JAKMIP2: variants seen among roughly 807,000 people sequenced by gnomAD.
JAKMIP2 encodes the protein janus kinase and microtubule-interacting protein 2.
Under a neutral mutation model 115.0 loss-of-function variants are expected in JAKMIP2, and 25 were observed. The observed-to-expected ratio is 0.22, with a 90% confidence interval of 0.16 to 0.30. The LOEUF (loss-of-function observed/expected upper bound fraction) is 0.30, where lower values mean the gene tolerates loss of function less well. Among genes scored for constraint, JAKMIP2 ranks in the 10% least tolerant of loss-of-function variants. The probability of loss-of-function intolerance (pLI) is 1.00; values close to 1 mark genes in which losing one functional copy is unlikely to be tolerated. For missense variants in JAKMIP2, 642 were observed against 957.6 expected (o/e 0.67, Z 4.35); for synonymous variants, 334 against 343.6 (o/e 0.97, Z 0.31).
chr5:147,690,278 A>G (rs1180440654), intron 1 of JAKMIP2, among the ~76,000 whole-genome samples: 1 of 151,960 alleles, frequency 6.6e-6, no homozygotes, highest in East Asian at 1.9e-4. Context: ...GGGTGCAGTG[A>G]GCTATTATGG....
At position 147,640,794 on chromosome 5, in the gene JAKMIP2, A is replaced by G. The variant is rs1331003433; in HGVS notation, c.1311T>C (p.Tyr437=). The G allele has an allele frequency of 2.5e-6, 4 of 1,613,350 alleles. No homozygotes were observed. The highest frequency in any genetic ancestry group is 1.3e-5 in the African/African-American group (1 of 74,878). ...TCTCTGAATCCATAGAGTCCTCATC[A>G]TAGCCAATAAACGGGTCCAAAACAG... The part of the protein sequence containing the change: ...KRPVLDPFIG[Y]DEDSMDSETS... Residue 437 remains tyrosine, a synonymous_variant, in exon 9 of 22, where the codon TAT becomes TAC. Transcript: ENST00000616793.
intron 1 of JAKMIP2, among the ~76,000 whole-genome samples, chr5:147,710,221 G>A (rs1359216775): frequency 6.6e-6 from 1 of 152,080 alleles, no homozygotes; most frequent in Non-Finnish European, 1.5e-5. Context: ...GGTGGATTTA[G>A]TTATTCTTCA....
At chr5:147,623,486 C>T in intron 17 of JAKMIP2, 135 bp downstream of exon 17, 4 of 535,162 alleles carry the variant, frequency 7.5e-6, no homozygotes, top group Admixed American at 3.5e-5. Flanking sequence ...TTTTTTCCAT[C>T]TTCTGTACAT....
At chr5:147,738,222 C>A (rs901651255) in intron 1 of JAKMIP2, among the ~76,000 whole-genome samples, 5 of 152,062 alleles carry the variant, frequency 3.3e-5, no homozygotes, top group Admixed American at 3.3e-4. Context: ...CTTTAAGCTG[C>A]CATTTTAGTA....
chr5:147,652,006 C>A (rs188521455), intron 3 of JAKMIP2, among the ~76,000 whole-genome samples: 1 of 152,234 alleles, frequency 6.6e-6, no homozygotes, highest in East Asian at 1.9e-4. Context: ...ATGTACTCAC[C>A]TTGTTAAACT....
rs191318102 is a variant in JAKMIP2, at chr5:147,690,793, C to T, written c.-148-18839G>A. On this transcript the variant is annotated intron_variant, in intron 1 of 21. Transcript: ENST00000616793. The stretch of plus-strand genomic sequence containing the variant: ...CCAGTGCTTCGTGGCTATTGCATGA[C>T]GCATACTGTGTGGCCCTCTGCTGGA... 2.0e-4 allele frequency among the ~76,000 whole-genome samples: 31 copies of T among 151,954 alleles called. No homozygotes were observed. The East Asian group carries it at 4.7e-3, about 23-fold the overall frequency.
chr5:147,701,659 C>T (rs75640633), intron 1 of JAKMIP2, among the ~76,000 whole-genome samples: 3,227 of 152,232 alleles, frequency 0.021, 143 homozygotes, highest in African/African-American at 0.072. Context: ...TTTTGTCCTT[C>T]ACACAGCACC....
chr5:147,741,044 G>A (rs549703037), intron 1 of JAKMIP2, among the ~76,000 whole-genome samples: 1 of 152,236 alleles, frequency 6.6e-6, no homozygotes, highest in African/African-American at 2.4e-5. Flanking sequence ...AAGCCGATCA[G>A]TACAGAGATC....
chr5:147,737,623 A>G (rs979151265), intron 1 of JAKMIP2, among the ~76,000 whole-genome samples: 2 of 152,184 alleles, frequency 1.3e-5, no homozygotes, highest in African/African-American at 4.8e-5. Context: ...AGAATTCTAG[A>G]TTGATTAAGT....
intron 1 of JAKMIP2, among the ~76,000 whole-genome samples, chr5:147,772,446 A>T (rs564759196): frequency 1.6e-4 from 24 of 152,104 alleles, no homozygotes; most frequent in African/African-American, 5.5e-4. Context: ...GGTGGGGGGC[A>T]GGCTAGGGAT....
chr5:147,704,222 A>G (rs1204018065), intron 1 of JAKMIP2, among the ~76,000 whole-genome samples: 3 of 152,210 alleles, frequency 2.0e-5, no homozygotes, highest in Non-Finnish European at 2.9e-5. Context: ...TTTTATTATC[A>G]TTATCAAATA....
chr5:147,778,312 T>G (rs1755639033), intron 1 of JAKMIP2, among the ~76,000 whole-genome samples: 1 of 152,114 alleles, frequency 6.6e-6, no homozygotes, highest in Admixed American at 6.6e-5. Flanking sequence ...TTGTTTTTGT[T>G]TTTTGTTTTT....
chr5:147,743,073 A>T (rs1213030638), intron 1 of JAKMIP2, among the ~76,000 whole-genome samples: 1 of 152,208 alleles, frequency 6.6e-6, no homozygotes, highest in African/African-American at 2.4e-5. Flanking sequence ...CTGAGTACTT[A>T]TTATGAGAAA....
At chr5:147,645,274 G>A (rs1379914289) in intron 5 of JAKMIP2, among the ~76,000 whole-genome samples, 1 of 152,104 alleles carries the variant, frequency 6.6e-6, no homozygotes, top group Non-Finnish European at 1.5e-5. Context: ...ATGCTCGGGA[G>A]GACGCGCTCT....
chr5:147,728,956 C>T (rs1717928541), intron 1 of JAKMIP2, among the ~76,000 whole-genome samples: 1 of 152,110 alleles, frequency 6.6e-6, no homozygotes, highest in African/African-American at 2.4e-5. Context: ...TCCTAGGTGC[C>T]ACACCTGGTA....
In JAKMIP2 at chr5:147,597,019, C is replaced by T. The variant is rs187010807; in HGVS notation, c.*20+4722G>A. Among the ~76,000 whole-genome samples, 549 of 148,748 alleles carry T rather than the reference C, an allele frequency of 3.7e-3. 13 individuals carry two copies. Among genetic ancestry groups the T allele is most frequent in the Middle Eastern group, 3.4e-3 (1 of 294 alleles). Reference sequence around the variant, plus strand: ...TCCCAAGTAGCTGGGATTATAGGCACGGACCACCATGCCTGGCTAATTTTT... The same window carrying T: ...TCCCAAGTAGCTGGGATTATAGGCATGGACCACCATGCCTGGCTAATTTTT... On this transcript the variant is annotated intron_variant, in intron 21 of 21. Coordinates refer to ENST00000616793, the MANE Select transcript of JAKMIP2 (RefSeq NM_001270941.2).
intron 11 of JAKMIP2, among the ~76,000 whole-genome samples, 169 bp downstream of exon 11, chr5:147,636,796 G>C (rs954057180): frequency 6.6e-6 from 1 of 152,144 alleles, no homozygotes; most frequent in African/African-American, 2.4e-5. Context: ...ACTCTGGCCA[G>C]AAAAACACCA....
At chr5:147,685,162 C>G (rs185670403) in intron 1 of JAKMIP2, among the ~76,000 whole-genome samples, 50 of 152,232 alleles carry the variant, frequency 3.3e-4, no homozygotes, top group African/African-American at 6.5e-4. Context: ...GTGTTTGAGC[C>G]TGAAGCTTCT....
chr5:147,699,743 C>T (rs901592660), intron 1 of JAKMIP2, among the ~76,000 whole-genome samples: 2 of 152,156 alleles, frequency 1.3e-5, no homozygotes, highest in Non-Finnish European at 2.9e-5. Flanking sequence ...AAATGTGATG[C>T]CTATTGTACA....
Sources: allele counts gnomAD v4.1 joint callset (sites outside exome capture counted in the v4.1 genomes callset), GRCh38; gene constraint gnomAD v4.1.1; transcripts MANE v1.5; gene names NCBI Gene and HGNC (gene_info 2026-07-23, HGNC 2026-07-21).